RBM26: variants seen among roughly 807,000 people sequenced by gnomAD.
The protein encoded by RBM26 is RNA binding motif protein 26.
In RBM26, 30 loss-of-function variants were observed where a neutral mutation model predicts 123.6. That is an observed-to-expected ratio of 0.24 (90% CI 0.18 to 0.33). RBM26 has a LOEUF of 0.33. Among genes scored for constraint, RBM26 ranks in the 10% least tolerant of loss-of-function variants. The probability of loss-of-function intolerance (pLI) is 1.00; values close to 1 mark genes in which losing one functional copy is unlikely to be tolerated. For missense variants in RBM26, 947 were observed against 1,203.6 expected (o/e 0.79, Z 3.15); for synonymous variants, 400 against 404.4 (o/e 0.99, Z 0.13).
In RBM26 at chr13:79,366,880, G is replaced by T; in HGVS notation, c.896-8C>A. 1 of 1,580,018 alleles carries T rather than the reference G, an allele frequency of 6.3e-7. No individual in the cohort carries two copies. Among genetic ancestry groups the T allele is most frequent in the Non-Finnish European group, 8.6e-7 (1 of 1,159,016 alleles). The stretch of plus-strand genomic sequence containing the variant: ...TCATACAAAAACCCTTTTCTATGAG[G>T]AAGGAATAGTTAGAAACAAATGTCA... On this transcript the variant is annotated splice_polypyrimidine_tract_variant and splice_region_variant and intron_variant, in intron 6 of 21. Transcript: ENST00000438737.
chr13:79,405,462 A>G (rs1365367378), intron 1 of RBM26, among the ~76,000 whole-genome samples: 1 of 152,012 alleles, frequency 6.6e-6, no homozygotes, highest in Non-Finnish European at 1.5e-5. Context: ...TGGGGGTTGG[A>G]GACGGTCTAT....
chr13:79,346,035 T>C (rs1244941557), intron 14 of RBM26, among the ~76,000 whole-genome samples: 2 of 152,100 alleles, frequency 1.3e-5, no homozygotes, highest in Admixed American at 1.3e-4. Flanking sequence ...AGGAAAAACA[T>C]TGTTTTCTCA....
chr13:79,383,336 A>G (rs1187572263), intron 1 of RBM26, among the ~76,000 whole-genome samples: 4 of 152,228 alleles, frequency 2.6e-5, no homozygotes, highest in African/African-American at 7.2e-5. Context: ...ATCTACATAT[A>G]TTAGTAATAG....
chr13:79,333,638 G>T (rs2069806511), intron 20 of RBM26, among the ~76,000 whole-genome samples: 2 of 152,068 alleles, frequency 1.3e-5, no homozygotes, highest in Admixed American at 1.3e-4. Flanking sequence ...AATTCCTGAA[G>T]AAAGAACACA....
intron 6 of RBM26, among the ~76,000 whole-genome samples, chr13:79,367,445 G>T (rs1344217091): frequency 8.5e-6 from 1 of 117,356 alleles, no homozygotes; most frequent in South Asian, 3.1e-4. Context: ...AGAAGAAGAG[G>T]CAAAAGAGAG....
intron 1 of RBM26, 40 bp downstream of exon 1, chr13:79,405,664 C>T: frequency 6.9e-7 from 1 of 1,450,934 alleles, no homozygotes; most frequent in Non-Finnish European, 9.5e-7. Context: ...GCCTATCTCC[C>T]ACTGCCATCC....
intron 20 of RBM26, among the ~76,000 whole-genome samples, chr13:79,325,128 T>C (rs1309680028): frequency 6.6e-6 from 1 of 152,152 alleles, no homozygotes; most frequent in Non-Finnish European, 1.5e-5. Context: ...TCCAGTCATA[T>C]AAAAGTATGG....
chr13:79,362,828 A>C (rs1185460391), intron 9 of RBM26, among the ~76,000 whole-genome samples: 1 of 152,226 alleles, frequency 6.6e-6, no homozygotes, highest in East Asian at 1.9e-4. Flanking sequence ...CTAATTCGGA[A>C]TCCCTTTCAT....
At position 79,377,529 on chromosome 13, in the gene RBM26, CA is replaced by C. The variant is rs748835485; in HGVS notation, c.191-15del. The stretch of plus-strand genomic sequence containing the variant: ...ATATCTGTGTCTCTAAAAATAAAAC[CA>C]AACACCATAGATTAAAACACATTTG... On this transcript the variant is annotated splice_polypyrimidine_tract_variant and intron_variant, in intron 2 of 21. Coordinates refer to ENST00000438737, the MANE Select transcript of RBM26 (RefSeq NM_001366735.2). 1 of 1,589,794 alleles carries C rather than the reference CA, an allele frequency of 6.3e-7. No individual in the cohort carries two copies. The highest frequency in any genetic ancestry group is 1.1e-5 in the South Asian group (1 of 90,350).
intron 18 of RBM26, among the ~76,000 whole-genome samples, chr13:79,338,060 A>G (rs2070743419): frequency 1.3e-5 from 2 of 152,182 alleles, no homozygotes; most frequent in African/African-American, 4.8e-5. Flanking sequence ...TCTACTAAAA[A>G]TACTGAAAAT....
chr13:79,353,633 G>A (rs2073579859), intron 13 of RBM26, among the ~76,000 whole-genome samples: 1 of 152,050 alleles, frequency 6.6e-6, no homozygotes, highest in Admixed American at 6.6e-5. Context: ...TGGGATGATA[G>A]GACTGGGAAT....
In RBM26 at chr13:79,405,790, G is replaced by A. The variant is rs755060108; in HGVS notation, c.-16C>T. 7.9e-6 allele frequency: 12 copies of A among 1,528,564 alleles called. No homozygotes were observed. Among genetic ancestry groups the A allele is most frequent in the East Asian group, 2.6e-5 (1 of 38,516 alleles). The allele number at this position is 1,528,564 out of a possible 1,614,324, so 94.7% of individuals were successfully genotyped here. On this transcript the variant is annotated 5_prime_UTR_variant, in exon 1 of 22. Transcript: ENST00000438737. ...TAGAAACCATCCACAGCGGCCCTAA[G>A]GCCCGTCACACTCCTCCGCCCGCCC...
chr13:79,325,835 C>G (rs2068319430), intron 20 of RBM26, among the ~76,000 whole-genome samples: 1 of 152,148 alleles, frequency 6.6e-6, no homozygotes, highest in Non-Finnish European at 1.5e-5. Context: ...AATTTCCAGT[C>G]CTGCAAATGC....
At chr13:79,317,774 T>C (rs931765688), downstream of RBM26, among the ~76,000 whole-genome samples, 1 of 151,728 alleles carries the variant, frequency 6.6e-6, no homozygotes, top group African/African-American at 2.4e-5. Flanking sequence ...TCAAACTGTA[T>C]CAATTGCTTA....
At chr13:79,316,835 G>C (rs1263850409), downstream of RBM26, among the ~76,000 whole-genome samples, 2 of 151,642 alleles carry the variant, frequency 1.3e-5, no homozygotes, top group Non-Finnish European at 3.0e-5. Flanking sequence ...TTTCCTGTAG[G>C]AAGAGGCGAC....
chr13:79,402,256 A>G (rs1375810369), intron 1 of RBM26, among the ~76,000 whole-genome samples: 25 of 152,240 alleles, frequency 1.6e-4, no homozygotes, highest in Non-Finnish European at 3.2e-4. Context: ...CAAAACATCA[A>G]TCTTAAGCAT....
Position 79,358,290 on chromosome 13 carries a change from G to T in RBM26, c.1673C>A (p.Thr558Asn), listed in dbSNP as rs2074269329. 2 of 1,606,650 alleles carry T rather than the reference G, an allele frequency of 1.2e-6. No individual in the cohort carries two copies. The highest frequency in any genetic ancestry group is 1.1e-5 in the South Asian group (1 of 88,964). ...GGCTCTTACCTGTAAGTTAACCAAGGTTCCAAATCGACTAAAATGTTCATT... is the reference window on the plus strand; with the variant it reads ...GGCTCTTACCTGTAAGTTAACCAAGTTTCCAAATCGACTAAAATGTTCATT... ...KLNEHFSRFG[T>N]LVNLQVAYNG... Residue 558 changes from threonine to asparagine, a missense_variant, in exon 11 of 22, where the codon ACC (threonine) becomes AAC (asparagine). By Grantham distance (65) the Thr-to-Asn change is moderately conservative. Transcript: ENST00000438737.
At chr13:79,339,962 T>C (rs2071086133) in intron 18 of RBM26, among the ~76,000 whole-genome samples, 1 of 152,082 alleles carries the variant, frequency 6.6e-6, no homozygotes, top group Non-Finnish European at 1.5e-5. Flanking sequence ...AAAATGTCAT[T>C]CAGTGTTTAG....
At chr13:79,371,808 C>T (rs772073188) in intron 4 of RBM26, 34 bp downstream of exon 4, 10 of 1,398,544 alleles carry the variant, frequency 7.2e-6, no homozygotes, top group Admixed American at 1.7e-5. Context: ...TAACTTACAT[C>T]GAAACACTGA....
Sources: gnomAD v4.1 joint callset for allele counts (sites outside exome capture counted in the v4.1 genomes callset) on GRCh38, gnomAD v4.1.1 for gene constraint, MANE v1.5 for transcripts, NCBI Gene and HGNC (gene_info 2026-07-23, HGNC 2026-07-21) for gene names.